PCDHA8: variants seen among roughly 807,000 people sequenced by gnomAD.
PCDHA8 encodes the protein protocadherin alpha-8.
In PCDHA8, 53 loss-of-function variants were observed where a neutral mutation model predicts 61.8. The observed-to-expected ratio is 0.86, with a 90% CI of 0.69 to 1.08. The LOEUF (loss-of-function observed/expected upper bound fraction) is 1.08. PCDHA8 is among the 50% of genes least tolerant of loss of function. The pLI is 0.00. For synonymous variants in PCDHA8, 618 were observed against 556.6 expected (o/e 1.11, Z -1.55); for missense variants, 1,293 against 1,245.0 (o/e 1.04, Z -0.58).
chr5:140,977,084 A>C lies in PCDHA8; in HGVS notation c.2395-1865A>C, dbSNP rs545652987. On this transcript the variant is annotated intron_variant, in intron 1 of 3. Coordinates refer to ENST00000531613, the MANE Select transcript of PCDHA8 (RefSeq NM_018911.3). ...TAGAAAATAGCAGCATGACAAATTA[A>C]ATGTGTCATTGGGGAAGTGAGATTG... is the stretch of plus-strand genomic sequence containing the variant. 2.0e-5 allele frequency among the ~76,000 whole-genome samples: 3 copies of C among 152,336 alleles called. No individual in the cohort carries two copies. The East Asian group carries it at 5.8e-4, about 29-fold the overall frequency.
intron 1 of PCDHA8, among the ~76,000 whole-genome samples, chr5:140,972,712 G>T (rs1409880262): frequency 6.9e-6 from 1 of 144,630 alleles, no homozygotes; most frequent in East Asian, 2.0e-4. Context: ...TTGCCAGGCT[G>T]GAGTGCAGTG....
At chr5:140,937,326 C>G (rs1287239556) in intron 1 of PCDHA8, among the ~76,000 whole-genome samples, 2 of 152,046 alleles carry the variant, frequency 1.3e-5, no homozygotes, top group Non-Finnish European at 2.9e-5. Flanking sequence ...CGTGAGCCAC[C>G]GCGCCCGGCT....
chr5:140,966,068 T>G (rs188069959), intron 1 of PCDHA8: 1 of 153,298 alleles, frequency 6.5e-6, no homozygotes. Context: ...CGCCTCCCCC[T>G]GCGTTGTTTC....
chr5:140,921,251 AG>A (rs2080121821), intron 1 of PCDHA8, among the ~76,000 whole-genome samples: 1 of 152,192 alleles, frequency 6.6e-6, no homozygotes. Context: ...CAGATCAAAA[AG>A]TCCTAGACTT....
Position 140,873,293 on chromosome 5 carries a change from A to G in PCDHA8, c.2394+29578A>G, listed in dbSNP as rs189607123. Reference sequence around the variant, plus strand: ...ACCATCATACCACTTATGAAACTTTATAAATATAATAAAGGTGAATATTAG... The same window carrying G: ...ACCATCATACCACTTATGAAACTTTGTAAATATAATAAAGGTGAATATTAG... On this transcript the variant is annotated intron_variant, in intron 1 of 3. Transcript: ENST00000531613. Among the ~76,000 whole-genome samples, 54 of 152,366 alleles carry G rather than the reference A, an allele frequency of 3.5e-4. No homozygotes were observed. In the East Asian group the frequency reaches 0.01, roughly 29 times the overall value.
chr5:140,917,440 C>A (rs913046487), intron 1 of PCDHA8, among the ~76,000 whole-genome samples: 1 of 151,666 alleles, frequency 6.6e-6, no homozygotes, highest in Non-Finnish European at 1.5e-5. Flanking sequence ...TTTGTTTTTG[C>A]TGCAAGAGCG....
In PCDHA8 at chr5:140,857,564, T is replaced by C. The variant is rs1254291079; in HGVS notation, c.2394+13849T>C. 1 of 1,596,742 alleles carries C rather than the reference T, an allele frequency of 6.3e-7. No homozygotes were observed. The highest frequency in any genetic ancestry group is 1.3e-5 in the African/African-American group (1 of 74,340). ...GTTGGGCGAGCGCTCGCTGTCGAGC[T>C]ACGTGTCGGTGCACGCGGAGAGCGG... On this transcript the variant is annotated intron_variant, in intron 1 of 3. Coordinates refer to ENST00000531613, the MANE Select transcript of PCDHA8 (RefSeq NM_018911.3).
At chr5:140,882,611 C>T in intron 1 of PCDHA8, 1 of 1,614,252 alleles carries the variant, frequency 6.2e-7, no homozygotes, top group Non-Finnish European at 8.5e-7. Context: ...CAGGCCTCTG[C>T]AGGTTTTCCA....
chr5:140,932,346 A>G lies in PCDHA8; in HGVS notation c.2395-46603A>G, dbSNP rs529573484. 2.6e-5 allele frequency among the ~76,000 whole-genome samples: 4 copies of G among 152,072 alleles called. No homozygotes were observed. In the South Asian group the frequency reaches 6.2e-4, roughly 24 times the overall value. ...AGCAAAAATGCATGAAACACTTACCATACAACTGGCCTTATTAAATTTCCA... is the reference window on the plus strand; with the variant it reads ...AGCAAAAATGCATGAAACACTTACCGTACAACTGGCCTTATTAAATTTCCA... On this transcript the variant is annotated intron_variant, in intron 1 of 3. Coordinates refer to ENST00000531613, the MANE Select transcript of PCDHA8 (RefSeq NM_018911.3).
At chr5:140,916,755 G>C (rs781862005) in intron 1 of PCDHA8, among the ~76,000 whole-genome samples, 15 of 152,208 alleles carry the variant, frequency 9.9e-5, no homozygotes, top group Admixed American at 2.0e-4. Flanking sequence ...CTGGGATTAG[G>C]GGAGGGGTGG....
intron 1 of PCDHA8, among the ~76,000 whole-genome samples, chr5:140,894,629 T>C (rs1406335031): frequency 6.6e-6 from 1 of 152,036 alleles, no homozygotes; most frequent in African/African-American, 2.4e-5. Flanking sequence ...TCTTCTCCAA[T>C]CATATCATTA....
intron 1 of PCDHA8, chr5:140,863,519 A>G (rs1309854310): frequency 7.5e-6 from 3 of 400,164 alleles, no homozygotes; most frequent in Non-Finnish European, 1.5e-5. Context: ...GTGTTCTCCC[A>G]TGGTTCAGAT....
At chr5:140,857,771 G>C in intron 1 of PCDHA8, 3 of 1,597,658 alleles carry the variant, frequency 1.9e-6, no homozygotes, top group Non-Finnish European at 2.6e-6. Flanking sequence ...CGCGGGCGGT[G>C]CAGTCAGTGA....
At chr5:140,970,762 A>C (rs2096431667) in intron 1 of PCDHA8, among the ~76,000 whole-genome samples, 1 of 152,198 alleles carries the variant, frequency 6.6e-6, no homozygotes, top group Admixed American at 6.5e-5. Context: ...TCATTGACAT[A>C]TTGCTGTACA....
At chr5:140,875,886 A>C (rs201813340) in intron 1 of PCDHA8, 1 of 1,614,176 alleles carries the variant, frequency 6.2e-7, no homozygotes, top group Non-Finnish European at 8.5e-7. Flanking sequence ...AAAGGGAACA[A>C]AAGGTACCTG....
At chr5:140,882,016 A>T in intron 1 of PCDHA8, 1 of 543,846 alleles carries the variant, frequency 1.8e-6, no homozygotes, top group Non-Finnish European at 3.0e-6. Context: ...AAAAAATACT[A>T]CATCAATGGA....
At chr5:140,940,499 G>T (rs190058542) in intron 1 of PCDHA8, among the ~76,000 whole-genome samples, 3 of 151,756 alleles carry the variant, frequency 2.0e-5, no homozygotes, top group Non-Finnish European at 4.4e-5. Flanking sequence ...GTCTTGCTCC[G>T]TCGCTCAGGC....
chr5:140,927,826 G>A (rs782694866), intron 1 of PCDHA8: 1 of 1,614,194 alleles, frequency 6.2e-7, no homozygotes, highest in Middle Eastern at 1.6e-4. Context: ...ATACATTGAG[G>A]CGAGGGACGA....
chr5:140,865,891 G>T (rs2153226953), intron 1 of PCDHA8: 1 of 152,240 alleles, frequency 6.6e-6, no homozygotes, highest in African/African-American at 2.4e-5. Context: ...AGCACAAATT[G>T]TGTACAGGCA....
Sources: gnomAD v4.1 joint callset for allele counts (sites outside exome capture counted in the v4.1 genomes callset) on GRCh38, gnomAD v4.1.1 for gene constraint, MANE v1.5 for transcripts, NCBI Gene and HGNC (gene_info 2026-07-23, HGNC 2026-07-21) for gene names.